PPP1R9A: variants seen among roughly 807,000 people sequenced by gnomAD.
The protein encoded by PPP1R9A is protein phosphatase 1 regulatory subunit 9A.
A neutral mutation model predicts 141.9 loss-of-function variants in PPP1R9A; 59 were observed. The ratio of observed to expected loss-of-function variants is 0.42; its 90% CI spans 0.34 to 0.52. PPP1R9A has a LOEUF of 0.52. Among genes scored for constraint, PPP1R9A ranks in the 20% least tolerant of loss-of-function variants. The pLI is 0.10. For synonymous variants in PPP1R9A, 500 were observed against 569.7 expected (o/e 0.88, Z 1.74); for missense variants, 1,444 against 1,611.9 (o/e 0.90, Z 1.78).
intron 5 of PPP1R9A, among the ~76,000 whole-genome samples, chr7:95,163,781 C>T (rs1320422131): frequency 6.6e-6 from 1 of 151,916 alleles, no homozygotes; most frequent in Non-Finnish European, 1.5e-5. Flanking sequence ...GCTCTGTCAC[C>T]CAGGCTGGAG....
chr7:94,936,463 A>T (rs764204646), intron 2 of PPP1R9A, among the ~76,000 whole-genome samples: 2 of 152,116 alleles, frequency 1.3e-5, no homozygotes, highest in Non-Finnish European at 2.9e-5. Flanking sequence ...TTTTCATCTT[A>T]CCATTTACTA....
rs367624183 is a variant in PPP1R9A at position 95,251,725 on chromosome 7, T to C, written c.2397-37T>C. 2.2e-5 allele frequency: 35 copies of C among 1,561,856 alleles called. No homozygotes were observed. In the African/African-American group the frequency reaches 3.7e-4, roughly 17 times the overall value. ...CAGATAAGAACTTTCATTTATTGAGTGTATGATATAATCAGAACTATTATT... is the reference window on the plus strand; with the variant it reads ...CAGATAAGAACTTTCATTTATTGAGCGTATGATATAATCAGAACTATTATT... On this transcript the variant is annotated intron_variant, in intron 10 of 19. Transcript: ENST00000433360.
At chr7:95,037,639 A>T (rs946332169) in intron 2 of PPP1R9A, among the ~76,000 whole-genome samples, 1 of 152,228 alleles carries the variant, frequency 6.6e-6, no homozygotes, top group Non-Finnish European at 1.5e-5. Flanking sequence ...TGCTCTATTC[A>T]TACATTTTCT....
At chr7:94,965,802 G>A (rs1341913369) in intron 2 of PPP1R9A, among the ~76,000 whole-genome samples, 1 of 151,430 alleles carries the variant, frequency 6.6e-6, no homozygotes, top group African/African-American at 2.4e-5. Context: ...GGCTATATGG[G>A]CTTTTTTTTT....
At chr7:95,235,795 C>A (rs1796599219) in intron 8 of PPP1R9A, among the ~76,000 whole-genome samples, 1 of 152,092 alleles carries the variant, frequency 6.6e-6, no homozygotes, top group Non-Finnish European at 1.5e-5. Flanking sequence ...TTATATGTAC[C>A]ATGGAATACT....
At chr7:95,262,922 G>A (rs930997471) in intron 12 of PPP1R9A, among the ~76,000 whole-genome samples, 4 of 152,182 alleles carry the variant, frequency 2.6e-5, no homozygotes, top group Middle Eastern at 3.4e-3. Context: ...CTCCATAACC[G>A]TGTCTAATTC....
chr7:94,912,574 C>G (rs559086580), intron 2 of PPP1R9A, among the ~76,000 whole-genome samples: 15 of 152,214 alleles, frequency 9.9e-5, no homozygotes, highest in African/African-American at 3.6e-4. Flanking sequence ...TCTAAAATCA[C>G]TGTCTGTTAT....
intron 14 of PPP1R9A, among the ~76,000 whole-genome samples, chr7:95,270,510 A>G (rs564148689): frequency 1.3e-5 from 2 of 152,248 alleles, no homozygotes; most frequent in African/African-American, 4.8e-5. Context: ...GAGAAGTCCC[A>G]TTATAACTGG....
At chr7:95,160,833 G>A (rs1265883108) in intron 4 of PPP1R9A, among the ~76,000 whole-genome samples, 1 of 152,036 alleles carries the variant, frequency 6.6e-6, no homozygotes, top group African/African-American at 2.4e-5. Flanking sequence ...AGATGCATCC[G>A]TGTTGCTGTA....
intron 18 of PPP1R9A, chr7:95,287,254 G>T (rs759748234): frequency 8.2e-7 from 1 of 1,220,368 alleles, no homozygotes; most frequent in Non-Finnish European, 1.2e-6. Context: ...GTAGTGAAGG[G>T]TTTCCTTGTG....
intron 2 of PPP1R9A, among the ~76,000 whole-genome samples, chr7:94,938,530 A>G (rs1278682097): frequency 6.6e-6 from 1 of 151,906 alleles, no homozygotes; most frequent in Non-Finnish European, 1.5e-5. Flanking sequence ...CTAATTTACC[A>G]GTGTTAATCA....
intron 2 of PPP1R9A, among the ~76,000 whole-genome samples, chr7:95,104,085 C>T (rs1163495909): frequency 6.6e-6 from 1 of 152,142 alleles, no homozygotes; most frequent in African/African-American, 2.4e-5. Flanking sequence ...AATGTATTAA[C>T]GTTAAGTATG....
intron 2 of PPP1R9A, among the ~76,000 whole-genome samples, chr7:95,001,858 C>CA (rs920525078): frequency 7.2e-5 from 11 of 151,778 alleles, no homozygotes; most frequent in South Asian, 2.1e-4. Flanking sequence ...AACAAACAAA[C>CA]AAAAAAAACA....
intron 2 of PPP1R9A, among the ~76,000 whole-genome samples, chr7:94,980,875 A>G (rs1800022964): frequency 6.6e-6 from 1 of 152,172 alleles, no homozygotes; most frequent in Admixed American, 6.5e-5. Flanking sequence ...ATGCATATAG[A>G]AGAGTCATAT....
intron 2 of PPP1R9A, among the ~76,000 whole-genome samples, chr7:94,919,582 T>C (rs1284267689): frequency 6.6e-6 from 1 of 152,180 alleles, no homozygotes; most frequent in African/African-American, 2.4e-5. Flanking sequence ...TCTTATATTG[T>C]CACTTTCCTT....
chr7:94,999,777 T>TTTTATTTA (rs34600036), intron 2 of PPP1R9A, among the ~76,000 whole-genome samples: 5,384 of 141,318 alleles, frequency 0.038, 194 homozygotes, highest in East Asian at 0.12. Context: ...AGATATCTTA[T>TTTTATTTA]TTTATTTATT....
chr7:94,952,021 ATAGGTATACATG>A (rs201482604), intron 2 of PPP1R9A, among the ~76,000 whole-genome samples: 7,249 of 152,076 alleles, frequency 0.048, 209 homozygotes, highest in Non-Finnish European at 0.075. Context: ...GGTTTGTTAC[ATAGGTATACATG>A]TGCCGTGGTG....
chr7:95,079,373 T>C (rs551544739), intron 2 of PPP1R9A, among the ~76,000 whole-genome samples: 9 of 152,300 alleles, frequency 5.9e-5, no homozygotes, highest in South Asian at 2.1e-4. Flanking sequence ...CATGCTGTTT[T>C]GGTTACTGTA....
At position 95,222,991 on chromosome 7, in the gene PPP1R9A, G is replaced by A. The variant is rs576807133; in HGVS notation, c.1957-2970G>A. Among the ~76,000 whole-genome samples the A allele has an allele frequency of 9.2e-5, 14 of 152,072 alleles. No homozygotes were observed. In the South Asian group the frequency reaches 1.5e-3, roughly 16 times the overall value. On this transcript the variant is annotated intron_variant, in intron 7 of 19. Coordinates refer to ENST00000433360, the MANE Select transcript of PPP1R9A (RefSeq NM_001166160.2). ...GTATTTATGAGATTCTGTAGTAAAT[G>A]TATCATCCTAAAGCCTATTTAAGGT...
Sources: allele counts gnomAD v4.1 joint callset (sites outside exome capture counted in the v4.1 genomes callset), GRCh38; gene constraint gnomAD v4.1.1; transcripts MANE v1.5; gene names NCBI Gene and HGNC (gene_info 2026-07-23, HGNC 2026-07-21).